Variants in SYT16 observed in about 807,000 individuals in gnomAD.
SYT16 encodes synaptotagmin-16.
Under a neutral mutation model 61.4 loss-of-function variants are expected in SYT16, and 42 were observed. The ratio of observed to expected loss-of-function variants is 0.68; its 90% confidence interval spans 0.53 to 0.89. The LOEUF is 0.89. Among genes scored for constraint, SYT16 ranks in the 40% least tolerant of loss-of-function variants. SYT16 has a pLI of 0.00. For missense variants in SYT16, 804 were observed against 807.3 expected (o/e 1.00, Z 0.05); for synonymous variants, 314 against 302.3 (o/e 1.04, Z -0.40).
chr14:61,913,356 C>G (rs571986608), intron 1 of SYT16, among the ~76,000 whole-genome samples: 2 of 151,988 alleles, frequency 1.3e-5, no homozygotes, highest in Non-Finnish European at 2.9e-5. Flanking sequence ...AACCTGAGGA[C>G]TACTTTATAC....
At chr14:62,050,199 C>T (rs1336208438) in intron 3 of SYT16, among the ~76,000 whole-genome samples, 2 of 152,186 alleles carry the variant, frequency 1.3e-5, no homozygotes, top group East Asian at 3.8e-4. Flanking sequence ...CTAAACTTCT[C>T]TTCTCGCTTC....
chr14:61,938,292 G>A (rs965633349), intron 1 of SYT16, among the ~76,000 whole-genome samples: 9 of 152,082 alleles, frequency 5.9e-5, no homozygotes, highest in African/African-American at 2.2e-4. Context: ...TGAGCTGGGT[G>A]GGGAGGATAC....
chr14:62,047,971 C>T (rs2043340877), intron 3 of SYT16, among the ~76,000 whole-genome samples: 1 of 152,200 alleles, frequency 6.6e-6, no homozygotes, highest in Admixed American at 6.5e-5. Context: ...GCTTTGGTAT[C>T]AGGATGATGC....
At chr14:61,829,962 A>G (rs1013365334) in intron 1 of SYT16, among the ~76,000 whole-genome samples, 4 of 152,102 alleles carry the variant, frequency 2.6e-5, no homozygotes, top group African/African-American at 4.8e-5. Context: ...CTTTATTGAT[A>G]TATTTTCAAG....
chr14:61,887,891 A>C (rs1197215215), intron 1 of SYT16, among the ~76,000 whole-genome samples: 1 of 152,194 alleles, frequency 6.6e-6, no homozygotes, highest in African/African-American at 2.4e-5. Context: ...GCCTGTGTTC[A>C]CTGAAGTAGC....
intron 3 of SYT16, among the ~76,000 whole-genome samples, chr14:62,004,196 A>G (rs943037331): frequency 6.6e-6 from 1 of 152,216 alleles, no homozygotes; most frequent in African/African-American, 2.4e-5. Flanking sequence ...ATTATGGCAG[A>G]AGGTGAAGGA....
intron 3 of SYT16, among the ~76,000 whole-genome samples, chr14:62,046,519 G>A (rs1482859394): frequency 6.6e-6 from 1 of 152,124 alleles, no homozygotes; most frequent in Non-Finnish European, 1.5e-5. Context: ...TAGACATGAA[G>A]TCCTTGCCCA....
chr14:61,915,493 G>C (rs1360158135), intron 1 of SYT16, among the ~76,000 whole-genome samples: 1 of 152,028 alleles, frequency 6.6e-6, no homozygotes. Context: ...ACAAGTTTAG[G>C]ACAACTTTTT....
chr14:61,982,262 A>G (rs1278275922), intron 2 of SYT16, among the ~76,000 whole-genome samples: 1 of 152,140 alleles, frequency 6.6e-6, no homozygotes, highest in African/African-American at 2.4e-5. Context: ...TCAGTCTTGC[A>G]GCATGGGTGT....
chr14:62,009,712 G>A (rs1213932142), intron 3 of SYT16, among the ~76,000 whole-genome samples: 3 of 152,114 alleles, frequency 2.0e-5, no homozygotes, highest in Non-Finnish European at 4.4e-5. Context: ...TTCCTATTAG[G>A]GGTACTCCAG....
At chr14:61,837,233 A>ATTTT (rs1237212390) in intron 1 of SYT16, among the ~76,000 whole-genome samples, 26 of 122,802 alleles carry the variant, frequency 2.1e-4, no homozygotes, top group African/African-American at 5.2e-4. Context: ...GCAGAGGCTG[A>ATTTT]TTTTTTTTTT....
chr14:61,841,551 A>G (rs918505480), intron 1 of SYT16, among the ~76,000 whole-genome samples: 3 of 152,176 alleles, frequency 2.0e-5, no homozygotes, highest in Non-Finnish European at 2.9e-5. Context: ...TTCAGGGGGT[A>G]TATGTGCCTG....
rs1019107439 is a variant in SYT16, at chr14:62,109,570, T to C, written c.*8863T>C. The C allele has an allele frequency of 6.6e-6, 1 of 152,094 alleles. No individual in the cohort carries two copies. The highest frequency in any genetic ancestry group is 1.5e-5 in the Non-Finnish European group (1 of 68,010). The allele number at this position is 152,094 out of a possible 1,614,324, so 9.4% of individuals were successfully genotyped here. ...ATATGATATTGAGCTTGTTTTACAT[T>C]GGGGGAGGAGATTTATGAAAAAATA... On this transcript the variant is annotated 3_prime_UTR_variant, in exon 8 of 8. Transcript: ENST00000683842.
intron 1 of SYT16, among the ~76,000 whole-genome samples, chr14:61,878,727 C>T (rs778438291): frequency 1.8e-4 from 27 of 152,068 alleles, no homozygotes; most frequent in Non-Finnish European, 1.0e-4. Flanking sequence ...AAAATAAATT[C>T]GAAGCTCTCC....
intron 1 of SYT16, among the ~76,000 whole-genome samples, chr14:61,933,121 G>C (rs2049842080): frequency 6.6e-6 from 1 of 152,152 alleles, no homozygotes; most frequent in Non-Finnish European, 1.5e-5. Context: ...TTGTTTGTTT[G>C]TTATATTCTT....
intron 3 of SYT16, among the ~76,000 whole-genome samples, chr14:62,055,101 A>C (rs2055489907): frequency 6.6e-6 from 1 of 152,088 alleles, no homozygotes; most frequent in South Asian, 2.1e-4. Context: ...TTGGGGAAAG[A>C]AAGCAAGAAC....
At chr14:61,942,256 G>T (rs1466418330) in intron 1 of SYT16, among the ~76,000 whole-genome samples, 1 of 151,878 alleles carries the variant, frequency 6.6e-6, no homozygotes, top group East Asian at 1.9e-4. Context: ...GTCTTGTTTT[G>T]TGTGGAATAA....
intron 1 of SYT16, among the ~76,000 whole-genome samples, chr14:61,963,259 A>G (rs1472736917): frequency 6.6e-6 from 1 of 152,192 alleles, no homozygotes; most frequent in African/African-American, 2.4e-5. Flanking sequence ...CATGAGCAAG[A>G]CATGCCCAAA....
At chr14:61,824,354 T>C (rs2045706590) in intron 1 of SYT16, among the ~76,000 whole-genome samples, 1 of 152,144 alleles carries the variant, frequency 6.6e-6, no homozygotes, top group Non-Finnish European at 1.5e-5. Flanking sequence ...TTTTATTTTA[T>C]TTATTTATTT....
Sources: allele counts gnomAD v4.1 joint callset (sites outside exome capture counted in the v4.1 genomes callset), GRCh38; gene constraint gnomAD v4.1.1; transcripts MANE v1.5; gene names NCBI Gene and HGNC (gene_info 2026-07-23, HGNC 2026-07-21).